The following ARID3C variants were observed in gnomAD, a reference collection of about 807,000 sequenced individuals.
The protein encoded by ARID3C is AT-rich interactive domain-containing protein 3C.
A neutral mutation model predicts 37.9 loss-of-function variants in ARID3C; 42 were observed. That is an observed-to-expected ratio of 1.11 (90% CI 0.87 to 1.43). The LOEUF is 1.43. Ranked by LOEUF, ARID3C falls within the 40% of genes most tolerant of loss-of-function variation. ARID3C has a pLI of 0.00. For synonymous variants in ARID3C, 213 were observed against 228.0 expected (o/e 0.93, Z 0.59); for missense variants, 581 against 548.8 (o/e 1.06, Z -0.59).
At chr9:34,628,188 GA>G, upstream of ARID3C, 1 of 806,224 alleles carries the variant, frequency 1.2e-6, no homozygotes, top group Non-Finnish European at 1.8e-6. This position sits in a 1 kb window ranked among gnomAD's most constrained non-coding sequence, Gnocchi z 5.2. Flanking sequence ...GGGTCACAAG[GA>G]AAGAGGCAGA....
downstream of ARID3C, chr9:34,621,306 A>G: frequency 3.7e-6 from 2 of 539,580 alleles, no homozygotes; most frequent in Non-Finnish European, 3.2e-6. Context: ...TGTAACATCA[A>G]AAGAAACTTT....
upstream of ARID3C, among the ~76,000 whole-genome samples, chr9:34,632,034 C>T (rs1820727021): frequency 6.6e-6 from 1 of 152,240 alleles, no homozygotes; most frequent in Non-Finnish European, 1.5e-5. Flanking sequence ...CTAGAAGTCA[C>T]ACACTGTTAT....
intron 4 of ARID3C, 69 bp downstream of exon 5, chr9:34,623,356 T>A (rs1820603073): frequency 2.9e-5 from 42 of 1,435,432 alleles, no homozygotes; most frequent in Non-Finnish European, 3.6e-5. Context: ...CACATTTTAA[T>A]GGTTGCTATA....
rs1459965751 is a variant in ARID3C, at chr9:34,626,410, G to A, written c.319-596C>T. Reference sequence around the variant, plus strand: ...AGAGGCAGTTAACCTGCCTACAGACGCTGCTATAGAGGCACTGGCCCTGTA... The same window carrying A: ...AGAGGCAGTTAACCTGCCTACAGACACTGCTATAGAGGCACTGGCCCTGTA... On this transcript the variant is annotated intron_variant, in intron 1 of 6. Transcript: ENST00000378909. Among the ~76,000 whole-genome samples, 5 of 152,198 alleles carry A rather than the reference G, an allele frequency of 3.3e-5. No homozygotes were observed. The South Asian group carries it at 8.3e-4, about 25-fold the overall frequency.
At chr9:34,630,177 C>T (rs1291233705), upstream of ARID3C, among the ~76,000 whole-genome samples, 1 of 152,218 alleles carries the variant, frequency 6.6e-6, no homozygotes, top group East Asian at 1.9e-4. Flanking sequence ...CACACATTCT[C>T]CACCTATGTG....
chr9:34,629,749 CTTTCTTTTCTTTTTT>C (rs1820706351), upstream of ARID3C, among the ~76,000 whole-genome samples: 1 of 152,024 alleles, frequency 6.6e-6, no homozygotes, highest in Admixed American at 6.6e-5. Flanking sequence ...TTTTCTTTTT[CTTTCTTTTCTTTTTT>C]TTCTTTTTTG....
At chr9:34,628,472 GAGGCAGAGGTATC>G (rs1000447387), upstream of ARID3C, among the ~76,000 whole-genome samples, 1 of 152,098 alleles carries the variant, frequency 6.6e-6, no homozygotes, top group African/African-American at 2.4e-5. The surrounding 1 kb of genome is among the most constrained non-coding windows in gnomAD (Gnocchi z 5.2). Flanking sequence ...AAGATGGAGA[GAGGCAGAGGTATC>G]AGGCAGAGAC....
intron 2 of ARID3C, among the ~76,000 whole-genome samples, 178 bp from the exon 4 acceptor site, chr9:34,624,225 G>GGC (rs1820624845): frequency 6.6e-6 from 1 of 151,310 alleles, no homozygotes; most frequent in South Asian, 2.1e-4. Flanking sequence ...AGAACGGGGG[G>GGC]GGGCAAAGTT....
chr9:34,625,032 T>G (rs1366830878), intron 2 of ARID3C, among the ~76,000 whole-genome samples: 6 of 99,610 alleles, frequency 6.0e-5, no homozygotes, highest in South Asian at 3.2e-4. Flanking sequence ...GGGCCGGGAG[T>G]GGGAAGTGGG....
exon 7 of ARID3C, chr9:34,621,501 G>A: frequency 6.5e-7 from 1 of 1,546,208 alleles, no homozygotes; most frequent in East Asian, 2.5e-5. Context: ...GGGTGGGGGT[G>A]CAGGGTTGGT....
upstream of ARID3C, among the ~76,000 whole-genome samples, chr9:34,631,658 G>C (rs1349652762): frequency 6.7e-6 from 1 of 148,788 alleles, no homozygotes; most frequent in African/African-American, 2.5e-5. Flanking sequence ...TGGGTTGGGG[G>C]GAACATAAAA....
chr9:34,622,379 C>G, exon 5 of ARID3C: 1 of 1,612,768 alleles, frequency 6.2e-7, no homozygotes, highest in Non-Finnish European at 8.5e-7. Context: ...GGGCAGGAAA[C>G]TGGGGGGCAT....
chr9:34,624,998 G>A (rs1488475206), intron 2 of ARID3C, among the ~76,000 whole-genome samples: 1 of 150,810 alleles, frequency 6.6e-6, no homozygotes, highest in Non-Finnish European at 1.5e-5. Context: ...GAAGGTAAGG[G>A]ACCAGAAAGA....
At chr9:34,631,481 A>G (rs1477046493), upstream of ARID3C, among the ~76,000 whole-genome samples, 1 of 152,106 alleles carries the variant, frequency 6.6e-6, no homozygotes, top group East Asian at 1.9e-4. Flanking sequence ...ACCTTCAGAG[A>G]CCCATGCTTC....
chr9:34,627,553 C>T, intron 1 of ARID3C, 144 bp downstream of exon 2: 2 of 673,880 alleles, frequency 3.0e-6, no homozygotes, highest in Non-Finnish European at 4.8e-6. Context: ...TTCTCTCTGT[C>T]TTTCTATAGG....
downstream of ARID3C, chr9:34,621,368 C>T: frequency 1.0e-6 from 1 of 958,140 alleles, no homozygotes; most frequent in South Asian, 2.1e-5. Flanking sequence ...AGGGCTGGGT[C>T]CCAGAGTGGG....
At chr9:34,628,751 AC>A (rs1820692660), upstream of ARID3C, among the ~76,000 whole-genome samples, 1 of 152,178 alleles carries the variant, frequency 6.6e-6, no homozygotes, top group African/African-American at 2.4e-5. The surrounding 1 kb of genome is among the most constrained non-coding windows in gnomAD (Gnocchi z 5.2). Context: ...AGAGACAGGG[AC>A]GGGAAAAACA....
At chr9:34,623,320 T>A (rs1156513216) in intron 4 of ARID3C, 105 bp downstream of exon 5, 2 of 1,347,182 alleles carry the variant, frequency 1.5e-6, no homozygotes. Context: ...CTCCCATACC[T>A]CAATGCCTCC....
rs139476775 is a variant in ARID3C, at chr9:34,625,679, G to A, written c.391+63C>T. The A allele has an allele frequency of 1.5e-4, 236 of 1,586,300 alleles. No individual in the cohort carries two copies. The East Asian group carries it at 3.6e-3, about 24-fold the overall frequency. On this transcript the variant is annotated intron_variant, in intron 2 of 6. Coordinates refer to ENST00000378909, the Ensembl canonical transcript of ARID3C. The stretch of plus-strand genomic sequence containing the variant: ...AGGCCTCAGCAGGGAGAACCCAACC[G>A]GGTTTCCTCAAACCTGGTAAGGGGG...
Sources: allele counts gnomAD v4.1 joint callset (sites outside exome capture counted in the v4.1 genomes callset), GRCh38; gene constraint gnomAD v4.1.1; non-coding constraint Gnocchi (gnomAD v3.1); transcripts MANE v1.5; gene names NCBI Gene and HGNC (gene_info 2026-07-23, HGNC 2026-07-21).